The following SOS2 variants were observed in gnomAD, a reference collection of about 807,000 sequenced individuals.
SOS2 encodes son of sevenless homolog 2.
A neutral mutation model predicts 148.2 loss-of-function variants in SOS2; 65 were observed. That is an observed-to-expected ratio of 0.44 (90% CI 0.36 to 0.54). SOS2 has a LOEUF of 0.54. Ranked by LOEUF, SOS2 falls within the 20% of genes least tolerant of loss-of-function variation. The pLI is 0.00. For synonymous variants in SOS2, 539 were observed against 537.1 expected (o/e 1.00, Z -0.05); for missense variants, 1,341 against 1,590.2 (o/e 0.84, Z 2.67).
intron 16 of SOS2, among the ~76,000 whole-genome samples, chr14:50,141,692 A>C (rs1352268744): frequency 2.0e-5 from 3 of 152,226 alleles, no homozygotes; most frequent in East Asian, 3.8e-4. Flanking sequence ...TTCTTCACTA[A>C]TCTGTAATTG....
chr14:50,203,819 G>A (rs1380662094), intron 2 of SOS2, among the ~76,000 whole-genome samples: 1 of 146,664 alleles, frequency 6.8e-6, no homozygotes, highest in African/African-American at 2.5e-5. Flanking sequence ...TTTTTGAGAC[G>A]GTCTCCCGCC....
chr14:50,151,201 T>A (rs1036691984), intron 13 of SOS2, among the ~76,000 whole-genome samples: 6 of 152,218 alleles, frequency 3.9e-5, no homozygotes, highest in African/African-American at 1.4e-4. Flanking sequence ...TGAACAAGAT[T>A]GCACATATTG....
At chr14:50,119,471 A>G (rs2139468136) in intron 22 of SOS2, among the ~76,000 whole-genome samples, 1 of 152,340 alleles carries the variant, frequency 6.6e-6, no homozygotes, top group South Asian at 2.1e-4. Context: ...AATACTACTG[A>G]AGTTTTTTTC....
intron 21 of SOS2, among the ~76,000 whole-genome samples, chr14:50,122,391 C>CTTTTTTTTTTTTT (rs71118839): frequency 4.5e-5 from 4 of 88,308 alleles, no homozygotes; most frequent in African/African-American, 1.9e-4. Flanking sequence ...GAACCCTGGG[C>CTTTTTTTTTTTTT]TTTTTTTTTT....
chr14:50,191,477 A>C (rs1204606524), intron 4 of SOS2, among the ~76,000 whole-genome samples: 2 of 152,080 alleles, frequency 1.3e-5, no homozygotes, highest in African/African-American at 4.8e-5. Context: ...TCTAAATAAG[A>C]AAAAACACAT....
At chr14:50,211,604 TTTAA>T (rs1380428250) in intron 1 of SOS2, among the ~76,000 whole-genome samples, 1 of 73,450 alleles carries the variant, frequency 1.4e-5, no homozygotes, top group East Asian at 3.9e-4. Flanking sequence ...TTATTTATTT[TTTAA>T]TTAATTATTA....
At chr14:50,212,538 GA>G (rs995716521) in intron 1 of SOS2, among the ~76,000 whole-genome samples, 2 of 152,228 alleles carry the variant, frequency 1.3e-5, no homozygotes, top group Non-Finnish European at 2.9e-5. Flanking sequence ...GTTATCCTGA[GA>G]AAAGTGCTGA....
At chr14:50,157,516 G>A (rs573566118) in intron 11 of SOS2, among the ~76,000 whole-genome samples, 2 of 152,022 alleles carry the variant, frequency 1.3e-5, no homozygotes, top group African/African-American at 4.8e-5. Flanking sequence ...GGCCAAAACC[G>A]AATATTTAAC....
intron 8 of SOS2, among the ~76,000 whole-genome samples, chr14:50,165,486 C>G (rs1594985242): frequency 6.6e-6 from 1 of 152,068 alleles, no homozygotes; most frequent in South Asian, 2.1e-4. Context: ...CTCCACTGAA[C>G]AAAGGAAAAA....
chr14:50,222,756 G>A (rs927716088), intron 1 of SOS2, among the ~76,000 whole-genome samples: 3 of 152,214 alleles, frequency 2.0e-5, no homozygotes, highest in African/African-American at 7.2e-5. Context: ...AGAGGTAAAA[G>A]CGGGAGGTGG....
At chr14:50,133,981 A>C (rs1004822942) in intron 19 of SOS2, 142 bp downstream of exon 19, 1 of 624,080 alleles carries the variant, frequency 1.6e-6, no homozygotes, top group South Asian at 1.8e-5. Context: ...TTCCCCCCCC[A>C]GTTTTAGAAA....
At chr14:50,120,826 G>A (rs1159235156) in intron 21 of SOS2, among the ~76,000 whole-genome samples, 1 of 127,706 alleles carries the variant, frequency 7.8e-6, no homozygotes, top group African/African-American at 3.0e-5. Flanking sequence ...TGCAACCTCC[G>A]CCTCCCGGGT....
chr14:50,183,687 C>G (rs1011581000), intron 5 of SOS2, among the ~76,000 whole-genome samples: 3 of 152,168 alleles, frequency 2.0e-5, no homozygotes, highest in Non-Finnish European at 4.4e-5. Flanking sequence ...CTAGGTTTTA[C>G]TTATAGCTTA....
chr14:50,178,976 C>A (rs1258900519), intron 7 of SOS2, among the ~76,000 whole-genome samples: 1 of 151,914 alleles, frequency 6.6e-6, no homozygotes, highest in Non-Finnish European at 1.5e-5. Context: ...CTCAGGTGAT[C>A]CGATCCACCC....
At chr14:50,167,513 C>T (rs183861080) in intron 8 of SOS2, among the ~76,000 whole-genome samples, 113 of 151,914 alleles carry the variant, frequency 7.4e-4, no homozygotes, top group African/African-American at 2.6e-3. Flanking sequence ...CCAGCCTGGG[C>T]GACAAGAGTG....
chr14:50,228,135 A>G (rs910411548), intron 1 of SOS2, among the ~76,000 whole-genome samples: 1 of 151,164 alleles, frequency 6.6e-6, no homozygotes, highest in African/African-American at 2.4e-5. Context: ...TCTGCCTAGC[A>G]GGTTCAAGTG....
At chr14:50,171,114 CA>C (rs61570128) in intron 8 of SOS2, among the ~76,000 whole-genome samples, 86 of 129,302 alleles carry the variant, frequency 6.7e-4, no homozygotes, top group Non-Finnish European at 6.4e-4. Flanking sequence ...AACTCCATCT[CA>C]AAAAAAAAAA....
At chr14:50,191,047 C>T (rs1886117634) in intron 4 of SOS2, among the ~76,000 whole-genome samples, 1 of 152,166 alleles carries the variant, frequency 6.6e-6, no homozygotes. Flanking sequence ...TTAGCAAGCC[C>T]ATTACTATAT....
intron 7 of SOS2, among the ~76,000 whole-genome samples, chr14:50,175,391 T>C (rs557670981): frequency 2.6e-5 from 4 of 152,188 alleles, no homozygotes; most frequent in African/African-American, 9.6e-5. Flanking sequence ...TGAACTCTTT[T>C]GCTTGGTACT....
Sources: gnomAD v4.1 joint callset for allele counts (sites outside exome capture counted in the v4.1 genomes callset) on GRCh38, gnomAD v4.1.1 for gene constraint, MANE v1.5 for transcripts, NCBI Gene and HGNC (gene_info 2026-07-23, HGNC 2026-07-21) for gene names.